Variants in ARHGAP32 observed in about 807,000 individuals in gnomAD.
ARHGAP32 encodes rho GTPase-activating protein 32.
ARHGAP32 carries 51 observed loss-of-function variants against 186.5 expected under a neutral mutation model. The observed-to-expected ratio is 0.27, with a 90% CI of 0.22 to 0.35. The LOEUF (loss-of-function observed/expected upper bound fraction) is 0.35, where lower values mean the gene tolerates loss of function less well. Ranked by LOEUF, ARHGAP32 falls within the 10% of genes least tolerant of loss-of-function variation. The pLI is 1.00. For synonymous variants in ARHGAP32, 950 were observed against 964.3 expected (o/e 0.99, Z 0.27); for missense variants, 2,186 against 2,623.5 (o/e 0.83, Z 3.64).
At position 128,974,716 on chromosome 11, in the gene ARHGAP32, C is replaced by T; in HGVS notation, c.2481G>A (p.Glu827=). ...GTGAATCTAAAAAGGAAGCACCACT[C>T]TCCAGACATTCTGATTCGGCCTTAG... The part of the protein sequence containing the change: ...SPPKAESECL[E]SGASFLDSPG... The change falls in exon 21 of 23, where the codon GAG becomes GAA. Residue 827 remains glutamate, a synonymous_variant. Coordinates refer to ENST00000682385, the MANE Select transcript of ARHGAP32 (RefSeq NM_001378024.1). 1 of 1,614,202 alleles carries T rather than the reference C, an allele frequency of 6.2e-7. No individual in the cohort carries two copies. The highest frequency in any genetic ancestry group is 8.5e-7 in the Non-Finnish European group (1 of 1,180,046).
chr11:129,130,481 A>G (rs1416871010), intron 2 of ARHGAP32, among the ~76,000 whole-genome samples: 2 of 152,092 alleles, frequency 1.3e-5, no homozygotes, highest in African/African-American at 2.4e-5. Flanking sequence ...CAAACAAGGA[A>G]GTTATACTCA....
chr11:129,087,764 T>C (rs1179732184), intron 6 of ARHGAP32, among the ~76,000 whole-genome samples: 1 of 152,192 alleles, frequency 6.6e-6, no homozygotes, highest in Non-Finnish European at 1.5e-5. Flanking sequence ...ACAATGTAAG[T>C]TCATCAATGA....
intron 2 of ARHGAP32, among the ~76,000 whole-genome samples, chr11:129,142,389 G>C (rs988388898): frequency 8.5e-5 from 13 of 152,086 alleles, no homozygotes; most frequent in Non-Finnish European, 1.8e-4. Flanking sequence ...GAACAGTACA[G>C]ACATAATTAC....
chr11:129,274,855 A>G (rs774326776), intron 1 of ARHGAP32, among the ~76,000 whole-genome samples: 5 of 152,080 alleles, frequency 3.3e-5, no homozygotes, highest in African/African-American at 4.8e-5. Context: ...CATATGGGGA[A>G]AATTATCCAA....
chr11:129,174,012 C>T (rs963716328), intron 1 of ARHGAP32, among the ~76,000 whole-genome samples: 1 of 152,222 alleles, frequency 6.6e-6, no homozygotes, highest in Non-Finnish European at 1.5e-5. Context: ...GTGATTTCTG[C>T]ATTTCCATCT....
intron 20 of ARHGAP32, among the ~76,000 whole-genome samples, chr11:128,975,866 T>C (rs892713519): frequency 1.3e-5 from 2 of 152,114 alleles, no homozygotes; most frequent in Non-Finnish European, 2.9e-5. Flanking sequence ...CTGGCCTAAG[T>C]GGCAAAACCC....
rs150718389 is a variant in ARHGAP32 at position 129,119,529 on chromosome 11, A to G, written c.444+3917T>C. On this transcript the variant is annotated intron_variant, in intron 5 of 22. Coordinates refer to ENST00000682385, the MANE Select transcript of ARHGAP32 (RefSeq NM_001378024.1). The stretch of plus-strand genomic sequence containing the variant: ...ATTCATCCATTCATCTCATTCATCT[A>G]TTATTCATTAAACAAATATTTATTG... Among the ~76,000 whole-genome samples, 34 of 152,232 alleles carry G rather than the reference A, an allele frequency of 2.2e-4. 1 individual carries two copies. The East Asian group carries it at 6.4e-3, about 28-fold the overall frequency.
chr11:129,233,520 T>C (rs1481506682), intron 1 of ARHGAP32, among the ~76,000 whole-genome samples: 1 of 152,096 alleles, frequency 6.6e-6, no homozygotes, highest in Non-Finnish European at 1.5e-5. Context: ...GCACACACCT[T>C]TCAACCCAGC....
chr11:129,051,035 T>C (rs1940021627), intron 10 of ARHGAP32, among the ~76,000 whole-genome samples: 1 of 152,198 alleles, frequency 6.6e-6, no homozygotes, highest in African/African-American at 2.4e-5. Flanking sequence ...CTTTATTCAG[T>C]CTATCATTGA....
intron 1 of ARHGAP32, among the ~76,000 whole-genome samples, chr11:129,199,523 C>T (rs1279169178): frequency 6.6e-6 from 1 of 152,266 alleles, no homozygotes; most frequent in African/African-American, 2.4e-5. Flanking sequence ...GGGTGCAAGC[C>T]CCAATCCTTG....
At chr11:129,095,259 G>A (rs1286379606) in intron 5 of ARHGAP32, among the ~76,000 whole-genome samples, 9 of 152,228 alleles carry the variant, frequency 5.9e-5, no homozygotes, top group Admixed American at 3.9e-4. Flanking sequence ...GTGCTTGGAC[G>A]CCTGGCAGAG....
chr11:129,259,961 T>C (rs138286218), intron 1 of ARHGAP32, among the ~76,000 whole-genome samples: 2 of 152,320 alleles, frequency 1.3e-5, no homozygotes, highest in South Asian at 2.1e-4. Flanking sequence ...CCAAGTCTAC[T>C]GGCAGCTTTT....
chr11:129,086,599 A>C (rs1358852796), intron 6 of ARHGAP32, among the ~76,000 whole-genome samples: 4 of 152,286 alleles, frequency 2.6e-5, no homozygotes, highest in Non-Finnish European at 5.9e-5. Flanking sequence ...AGGCGGGCGG[A>C]TCACAAGGTC....
At chr11:128,991,607 C>G (rs940804713) in intron 12 of ARHGAP32, among the ~76,000 whole-genome samples, 5 of 152,164 alleles carry the variant, frequency 3.3e-5, no homozygotes, top group African/African-American at 1.2e-4. Context: ...GCCAAATGCA[C>G]AGCGAATAAT....
chr11:129,129,609 A>T (rs990538571), intron 2 of ARHGAP32, among the ~76,000 whole-genome samples: 1 of 152,360 alleles, frequency 6.6e-6, no homozygotes, highest in South Asian at 2.1e-4. Flanking sequence ...AAATATGGGG[A>T]AAAGAAAGAG....
chr11:128,976,072 G>A (rs946678624), intron 20 of ARHGAP32, among the ~76,000 whole-genome samples: 1 of 110,670 alleles, frequency 9.0e-6, no homozygotes, highest in African/African-American at 3.3e-5. Flanking sequence ...GCGAGACTCT[G>A]TCTAACATAT....
intron 12 of ARHGAP32, among the ~76,000 whole-genome samples, chr11:128,996,939 T>G (rs1946218167): frequency 6.6e-6 from 1 of 152,090 alleles, no homozygotes; most frequent in African/African-American, 2.4e-5. Context: ...ACTACTATGC[T>G]GGCTAATTTC....
In ARHGAP32 at chr11:128,998,488, A is replaced by T. The variant is rs889341414; in HGVS notation, c.1046-20T>A. 6.6e-7 allele frequency: 1 copy of T among 1,520,348 alleles called. No individual in the cohort carries two copies. Among genetic ancestry groups the T allele is most frequent in the Non-Finnish European group, 8.9e-7 (1 of 1,127,142 alleles). The allele number at this position is 1,520,348 out of a possible 1,614,324, so 94.2% of individuals were successfully genotyped here. On this transcript the variant is annotated intron_variant, in intron 11 of 22. Coordinates refer to ENST00000682385, the MANE Select transcript of ARHGAP32 (RefSeq NM_001378024.1). ...TAGACACTAAAAATCAATAAAGAGA[A>T]AAGATCTTAGTTGTGGCAAGAGGTT...
At chr11:129,249,984 G>A (rs549609383) in intron 1 of ARHGAP32, among the ~76,000 whole-genome samples, 55 of 152,042 alleles carry the variant, frequency 3.6e-4, no homozygotes, top group Non-Finnish European at 6.9e-4. Flanking sequence ...AGGCTGATGC[G>A]GGAGGACCAC....
Sources: allele counts gnomAD v4.1 joint callset (sites outside exome capture counted in the v4.1 genomes callset), GRCh38; gene constraint gnomAD v4.1.1; transcripts MANE v1.5; gene names NCBI Gene and HGNC (gene_info 2026-07-23, HGNC 2026-07-21).